Variants in DLGAP2 observed in about 807,000 individuals in gnomAD.
DLGAP2 encodes the protein DLG associated protein 2.
In DLGAP2, 26 loss-of-function variants were observed where a neutral mutation model predicts 100.3. The ratio of observed to expected loss-of-function variants is 0.26; its 90% CI spans 0.19 to 0.36. DLGAP2 has a LOEUF of 0.36. DLGAP2 is among the 10% of genes least tolerant of loss of function. The probability of loss-of-function intolerance (pLI) is 1.00; values close to 1 mark genes in which losing one functional copy is unlikely to be tolerated. For missense variants in DLGAP2, 1,858 were observed against 1,453.2 expected (o/e 1.28, Z -4.53); for synonymous variants, 886 against 630.1 (o/e 1.41, Z -6.08).
intron 2 of DLGAP2, among the ~76,000 whole-genome samples, chr8:1,135,374 T>C (rs9314424): frequency 0.25 from 37,948 of 152,100 alleles, 4,930 homozygotes; most frequent in Middle Eastern, 0.39. Context: ...GCTGTCTGAG[T>C]GCATCTCGTC....
At chr8:1,282,851 G>A (rs13272189) in intron 3 of DLGAP2, among the ~76,000 whole-genome samples, 15,778 of 53,550 alleles carry the variant, frequency 0.29, 2,755 homozygotes, top group African/African-American at 0.53. Flanking sequence ...TGAAGCATCC[G>A]GACGTGGTGT....
intron 3 of DLGAP2, among the ~76,000 whole-genome samples, chr8:1,482,746 C>T (rs934185141): frequency 6.6e-6 from 1 of 152,258 alleles, no homozygotes; most frequent in African/African-American, 2.4e-5. Context: ...CCCTCGGCGT[C>T]TCCCCGCCCC....
chr8:883,891 T>C (rs1797869784), intron 1 of DLGAP2, among the ~76,000 whole-genome samples: 1 of 152,198 alleles, frequency 6.6e-6, no homozygotes, highest in Non-Finnish European at 1.5e-5. Flanking sequence ...ACATGTGGTG[T>C]TGGGTTTTCT....
chr8:908,858 A>G (rs541131272), intron 2 of DLGAP2, among the ~76,000 whole-genome samples: 2 of 152,278 alleles, frequency 1.3e-5, no homozygotes, highest in Non-Finnish European at 2.9e-5. Context: ...GTTTGCTGAC[A>G]TTTTCTTACT....
chr8:1,281,752 G>T (rs1184207274), intron 3 of DLGAP2, among the ~76,000 whole-genome samples: 2 of 152,226 alleles, frequency 1.3e-5, no homozygotes, highest in Non-Finnish European at 2.9e-5. Flanking sequence ...GCCTTCCCCG[G>T]GGAGTCAGCT....
At chr8:1,036,417 CTGGAAAGGCTTT>C (rs1376101645) in intron 2 of DLGAP2, among the ~76,000 whole-genome samples, 1 of 152,218 alleles carries the variant, frequency 6.6e-6, no homozygotes. Flanking sequence ...CTCCTCAGGG[CTGGAAAGGCTTT>C]TGTCCAGGGG....
At chr8:1,522,389 G>T (rs1470655268) in intron 4 of DLGAP2, among the ~76,000 whole-genome samples, 7 of 152,194 alleles carry the variant, frequency 4.6e-5, no homozygotes, top group South Asian at 4.1e-4. Context: ...CAGCAGCCGG[G>T]GCCCAGGGCA....
chr8:973,854 C>T lies in DLGAP2; in HGVS notation c.73+65888C>T, dbSNP rs1035974191. Among the ~76,000 whole-genome samples, 89 of 21,224 alleles carry T rather than the reference C, an allele frequency of 4.2e-3. 1 individual carries two copies. The highest frequency in any genetic ancestry group is 1.4e-3 in the Admixed American group (3 of 2,156). 13.9% of individuals were successfully genotyped at this position (21,224 alleles called of 152,430 possible). On this transcript the variant is annotated intron_variant, in intron 2 of 14. Coordinates refer to ENST00000637795, the MANE Select transcript of DLGAP2 (RefSeq NM_001346810.2). Reference sequence around the variant, plus strand: ...TCCGGGAGGTCGGGGCGGGCGGTGGCGGCTGCGACCACGGGCCAGGCCTCT... The same window carrying T: ...TCCGGGAGGTCGGGGCGGGCGGTGGTGGCTGCGACCACGGGCCAGGCCTCT...
intron 2 of DLGAP2, among the ~76,000 whole-genome samples, chr8:989,190 G>T (rs1048646804): frequency 3.3e-5 from 5 of 152,112 alleles, no homozygotes; most frequent in Admixed American, 3.3e-4. Context: ...CACTTGGGGG[G>T]CTCTCCCGCA....
At chr8:1,627,642 A>G (rs1045216184) in intron 7 of DLGAP2, among the ~76,000 whole-genome samples, 5 of 152,266 alleles carry the variant, frequency 3.3e-5, no homozygotes, top group Non-Finnish European at 7.3e-5. Context: ...TTGAGTTTGT[A>G]TACCTAACAA....
At chr8:765,383 G>A (rs1028312196) in intron 1 of DLGAP2, among the ~76,000 whole-genome samples, 1 of 152,102 alleles carries the variant, frequency 6.6e-6, no homozygotes, top group Non-Finnish European at 1.5e-5. Context: ...GTTATGCGGT[G>A]GATAGAAAAC....
chr8:1,383,139 A>G (rs1235807585), intron 3 of DLGAP2, among the ~76,000 whole-genome samples: 1 of 152,154 alleles, frequency 6.6e-6, no homozygotes, highest in Non-Finnish European at 1.5e-5. Context: ...CATCCCCTTT[A>G]TCTATTTTGG....
intron 2 of DLGAP2, among the ~76,000 whole-genome samples, chr8:1,010,108 T>C (rs1218579754): frequency 6.6e-6 from 1 of 152,218 alleles, no homozygotes; most frequent in Non-Finnish European, 1.5e-5. Flanking sequence ...CTAAAGATTT[T>C]TAAAATATCT....
At chr8:822,962 C>T (rs978062502) in intron 1 of DLGAP2, among the ~76,000 whole-genome samples, 61 of 151,938 alleles carry the variant, frequency 4.0e-4, no homozygotes, top group African/African-American at 1.3e-3. Context: ...GTCACGGAGA[C>T]GGCATTTCAC....
chr8:1,176,215 G>A (rs1453120060), intron 2 of DLGAP2, among the ~76,000 whole-genome samples: 1 of 152,152 alleles, frequency 6.6e-6, no homozygotes, highest in African/African-American at 2.4e-5. Flanking sequence ...AGACAGTGTG[G>A]GAAATGCTGC....
At chr8:1,129,694 G>A (rs946864510) in intron 2 of DLGAP2, among the ~76,000 whole-genome samples, 2 of 152,186 alleles carry the variant, frequency 1.3e-5, no homozygotes, top group South Asian at 2.1e-4. Context: ...GTTCGAGTTG[G>A]TGCTGGCATG....
rs551862558 is a variant in DLGAP2 at position 1,226,931 on chromosome 8, A to G, written c.74-31920A>G. Among the ~76,000 whole-genome samples the G allele has an allele frequency of 2.1e-4, 32 of 151,984 alleles. No homozygotes were observed. The South Asian group carries it at 4.0e-3, about 19-fold the overall frequency. ...AGCAGGAAAGTAGATTTGTGCAACAATTATGGAAAACAGTATCGACGTTCC... is the reference window on the plus strand; with the variant it reads ...AGCAGGAAAGTAGATTTGTGCAACAGTTATGGAAAACAGTATCGACGTTCC... On this transcript the variant is annotated intron_variant, in intron 2 of 14. Coordinates refer to ENST00000637795, the MANE Select transcript of DLGAP2 (RefSeq NM_001346810.2).
intron 2 of DLGAP2, among the ~76,000 whole-genome samples, chr8:1,138,968 T>C (rs146090202): frequency 1.6e-3 from 245 of 152,340 alleles, no homozygotes; most frequent in African/African-American, 5.3e-3. Flanking sequence ...GTTTATTTAC[T>C]GGTTCTGGCC....
intron 1 of DLGAP2, among the ~76,000 whole-genome samples, chr8:807,818 T>G (rs954336761): frequency 3.9e-5 from 6 of 152,160 alleles, no homozygotes; most frequent in Admixed American, 2.0e-4. Flanking sequence ...TAAAGCTACT[T>G]TCAAAATGAC....
Sources: allele counts gnomAD v4.1 joint callset (sites outside exome capture counted in the v4.1 genomes callset), GRCh38; gene constraint gnomAD v4.1.1; transcripts MANE v1.5; gene names NCBI Gene and HGNC (gene_info 2026-07-23, HGNC 2026-07-21).